MSI2: variants seen among roughly 807,000 people sequenced by gnomAD.
MSI2 encodes musashi RNA binding protein 2.
A neutral mutation model predicts 45.6 loss-of-function variants in MSI2; 17 were observed. The observed-to-expected ratio is 0.37, with a 90% confidence interval of 0.26 to 0.56. MSI2 has a LOEUF of 0.56. Ranked by LOEUF, MSI2 falls within the 20% of genes least tolerant of loss-of-function variation. The probability of loss-of-function intolerance (pLI) is 0.77; values close to 1 mark genes in which losing one functional copy is unlikely to be tolerated. For missense variants in MSI2, 293 were observed against 444.2 expected (o/e 0.66, Z 3.06); for synonymous variants, 156 against 158.2 (o/e 0.99, Z 0.11).
At chr17:57,520,821 A>T (rs1233628547) in intron 6 of MSI2, among the ~76,000 whole-genome samples, 2 of 150,192 alleles carry the variant, frequency 1.3e-5, no homozygotes, top group South Asian at 4.2e-4. Flanking sequence ...ACCCAACTAA[A>T]TTTTTTTTTT....
intron 6 of MSI2, among the ~76,000 whole-genome samples, chr17:57,402,037 A>C (rs955089601): frequency 3.3e-4 from 51 of 152,318 alleles, no homozygotes; most frequent in African/African-American, 1.2e-3. Flanking sequence ...TGCTTCTGGA[A>C]CAGGCTGGGA....
intron 6 of MSI2, among the ~76,000 whole-genome samples, chr17:57,456,669 T>C (rs1402469713): frequency 6.6e-6 from 1 of 152,088 alleles, no homozygotes. Context: ...TTAGTCTTGC[T>C]CAAGGGCTTT....
intron 7 of MSI2, among the ~76,000 whole-genome samples, chr17:57,551,704 A>G (rs2087309282): frequency 6.6e-6 from 1 of 152,140 alleles, no homozygotes; most frequent in Non-Finnish European, 1.5e-5. Context: ...TGAGGTTAAT[A>G]ACAAGAAGTA....
At chr17:57,353,491 G>A (rs1022987564) in intron 5 of MSI2, among the ~76,000 whole-genome samples, 4 of 152,294 alleles carry the variant, frequency 2.6e-5, no homozygotes, top group Admixed American at 2.6e-4. Context: ...GATAGTGGAG[G>A]AGCTCCTAAG....
intron 5 of MSI2, among the ~76,000 whole-genome samples, chr17:57,288,435 C>G (rs1054770803): frequency 1.3e-5 from 2 of 152,196 alleles, no homozygotes; most frequent in Non-Finnish European, 2.9e-5. Flanking sequence ...TTCTGACTTT[C>G]TCTACAGAAT....
intron 6 of MSI2, among the ~76,000 whole-genome samples, chr17:57,469,390 T>C (rs992408283): frequency 6.6e-6 from 1 of 152,266 alleles, no homozygotes; most frequent in Non-Finnish European, 1.5e-5. Context: ...CTATTATTTC[T>C]GTGTAAACAG....
chr17:57,273,607 A>G (rs1748481271), intron 5 of MSI2, among the ~76,000 whole-genome samples: 3 of 152,208 alleles, frequency 2.0e-5, no homozygotes, highest in East Asian at 3.9e-4. Context: ...TCTTTTGAGC[A>G]CAAGTCCTGC....
chr17:57,621,789 A>C (rs1314257147), intron 9 of MSI2, among the ~76,000 whole-genome samples: 3 of 152,240 alleles, frequency 2.0e-5, no homozygotes. Flanking sequence ...ACAGAATCAC[A>C]GAATAATCAA....
intron 5 of MSI2, among the ~76,000 whole-genome samples, chr17:57,351,946 A>G (rs1293582456): frequency 1.3e-5 from 2 of 152,274 alleles, no homozygotes; most frequent in African/African-American, 2.4e-5. Context: ...ATGAATGGAT[A>G]GATGAGTGAG....
chr17:57,557,093 C>T (rs539311596), intron 7 of MSI2, among the ~76,000 whole-genome samples: 556 of 152,270 alleles, frequency 3.7e-3, no homozygotes, highest in Non-Finnish European at 6.1e-3. Context: ...CCGATAATAG[C>T]GTTCCTCATC....
At chr17:57,530,286 G>T (rs1200209910) in intron 7 of MSI2, among the ~76,000 whole-genome samples, 3 of 152,106 alleles carry the variant, frequency 2.0e-5, no homozygotes, top group Admixed American at 6.5e-5. Context: ...ACAAAAAATG[G>T]GTCTTAACCT....
At position 57,412,234 on chromosome 17, in the gene MSI2, C is replaced by T. The variant is rs189403579; in HGVS notation, c.405+10763C>T. On this transcript the variant is annotated intron_variant, in intron 6 of 13. Coordinates refer to ENST00000284073, the MANE Select transcript of MSI2 (RefSeq NM_138962.4). ...TGTATTTTTAGTAGAGACAGGGTTT[C>T]GCCATGTTAGCCAGGCTGGTCTCGG... 1.1e-4 allele frequency among the ~76,000 whole-genome samples: 17 copies of T among 152,102 alleles called. No homozygotes were observed. In the South Asian group the frequency reaches 2.9e-3, roughly 26 times the overall value.
chr17:57,537,832 G>A (rs12943564), intron 7 of MSI2, among the ~76,000 whole-genome samples: 33,128 of 152,126 alleles, frequency 0.22, 3,813 homozygotes, highest in Admixed American at 0.3. Context: ...GAGGGAGCTT[G>A]CAAAGCCAGG....
chr17:57,670,829 G>A (rs190215414), intron 11 of MSI2, among the ~76,000 whole-genome samples: 15 of 152,264 alleles, frequency 9.9e-5, no homozygotes, highest in African/African-American at 3.6e-4. Flanking sequence ...TTCAGAAATA[G>A]GGTGTATTTG....
chr17:57,532,119 C>T (rs899974156), intron 7 of MSI2: 1 of 152,362 alleles, frequency 6.6e-6, no homozygotes, highest in South Asian at 2.1e-4. Flanking sequence ...CATGCACACT[C>T]CTGCCCCCAG....
chr17:57,414,296 T>C (rs772230830), intron 6 of MSI2, among the ~76,000 whole-genome samples: 3 of 152,138 alleles, frequency 2.0e-5, no homozygotes, highest in Non-Finnish European at 4.4e-5. Context: ...CAGTAGTTGG[T>C]GCTCAGTAAA....
intron 7 of MSI2, among the ~76,000 whole-genome samples, chr17:57,534,807 G>T (rs186732952): frequency 3.5e-4 from 54 of 152,338 alleles, no homozygotes; most frequent in Admixed American, 2.2e-3. Context: ...GTGCCCAGGG[G>T]GAGCGGAGAA....
intron 7 of MSI2, among the ~76,000 whole-genome samples, chr17:57,590,572 G>A (rs1904734017): frequency 6.6e-6 from 1 of 152,206 alleles, no homozygotes; most frequent in South Asian, 2.1e-4. Flanking sequence ...TCATTCAAGA[G>A]AATGCCAGAA....
intron 5 of MSI2, among the ~76,000 whole-genome samples, chr17:57,329,088 G>A (rs1914051923): frequency 6.6e-6 from 1 of 152,110 alleles, no homozygotes; most frequent in African/African-American, 2.4e-5. Context: ...ACTCTAGCTG[G>A]TGTGTGCCCT....
Sources: gnomAD v4.1 joint callset for allele counts (sites outside exome capture counted in the v4.1 genomes callset) on GRCh38, gnomAD v4.1.1 for gene constraint, MANE v1.5 for transcripts, NCBI Gene and HGNC (gene_info 2026-07-23, HGNC 2026-07-21) for gene names.